DPYD: variants seen among roughly 807,000 people sequenced by gnomAD.
DPYD encodes dihydropyrimidine dehydrogenase [NADP(+)].
Under a neutral mutation model 116.2 loss-of-function variants are expected in DPYD, and 109 were observed. The observed-to-expected ratio is 0.94, with a 90% CI of 0.80 to 1.10. The LOEUF (loss-of-function observed/expected upper bound fraction) is 1.10. Ranked by LOEUF, DPYD falls within the 50% of genes least tolerant of loss-of-function variation. DPYD has a pLI of 0.00. For synonymous variants in DPYD, 440 were observed against 432.0 expected (o/e 1.02, Z -0.23); for missense variants, 1,302 against 1,254.5 (o/e 1.04, Z -0.57).
intron 7 of DPYD, among the ~76,000 whole-genome samples, chr1:97,682,985 T>C (rs114699773): frequency 0.012 from 1,870 of 152,168 alleles, 35 homozygotes; most frequent in African/African-American, 0.042. Context: ...AAACTTTCTT[T>C]ATATACTATA....
intron 18 of DPYD, among the ~76,000 whole-genome samples, chr1:97,284,485 A>G (rs1340783165): frequency 1.3e-5 from 2 of 152,134 alleles, no homozygotes; most frequent in African/African-American, 2.4e-5. Context: ...ATATTAAGCC[A>G]TCTTTGCATT....
At chr1:97,729,419 T>G (rs746169793) in intron 4 of DPYD, among the ~76,000 whole-genome samples, 1 of 152,184 alleles carries the variant, frequency 6.6e-6, no homozygotes, top group Non-Finnish European at 1.5e-5. Context: ...TATTCCATTA[T>G]GTACTATACA....
At chr1:97,294,186 T>TG (rs1211009043) in intron 18 of DPYD, among the ~76,000 whole-genome samples, 2 of 152,186 alleles carry the variant, frequency 1.3e-5, no homozygotes, top group Non-Finnish European at 2.9e-5. Flanking sequence ...CTTGGACTCA[T>TG]GGTTTCTGTT....
At chr1:97,116,797 G>T (rs1354021471) in intron 20 of DPYD, among the ~76,000 whole-genome samples, 1 of 152,022 alleles carries the variant, frequency 6.6e-6, no homozygotes, top group Non-Finnish European at 1.5e-5. Context: ...TCTCCTTTCT[G>T]CAGTGTTTTA....
chr1:97,298,070 G>A (rs749314338), intron 18 of DPYD, among the ~76,000 whole-genome samples: 9 of 152,132 alleles, frequency 5.9e-5, no homozygotes, highest in Non-Finnish European at 1.2e-4. Flanking sequence ...ATACTTAACT[G>A]TGGGCAGAGA....
Position 97,549,571 on chromosome 1 carries a change from T to C in DPYD, c.1513A>G (p.Lys505Glu). 6.2e-7 allele frequency: 1 copy of C among 1,613,864 alleles called. No individual in the cohort carries two copies. The highest frequency in any genetic ancestry group is 8.5e-7 in the Non-Finnish European group (1 of 1,179,818). Residue 505 changes from lysine (K) to glutamate (E), a missense_variant, in exon 12 of 23, where the codon AAA becomes GAA. Transcript: ENST00000370192. ...DGKQASWYIH[K>E]YVQSQYGASV... ...TGGCAAATGCCTACCTGTACGTATTTGTGAATGTACCAAGAAGCTTGCTTT... is the reference window on the plus strand; with the variant it reads ...TGGCAAATGCCTACCTGTACGTATTCGTGAATGTACCAAGAAGCTTGCTTT...
intron 5 of DPYD, among the ~76,000 whole-genome samples, chr1:97,704,522 G>A (rs1162943883): frequency 6.6e-6 from 1 of 151,804 alleles, no homozygotes; most frequent in Non-Finnish European, 1.5e-5. Context: ...TAAATACGAA[G>A]AATATTTTTC....
At chr1:97,144,857 T>G (rs994556172) in intron 20 of DPYD, among the ~76,000 whole-genome samples, 1 of 152,228 alleles carries the variant, frequency 6.6e-6, no homozygotes, top group Non-Finnish European at 1.5e-5. Flanking sequence ...CACTTTCTTA[T>G]GCACACAGAA....
intron 12 of DPYD, among the ~76,000 whole-genome samples, chr1:97,518,145 CA>C (rs1351179677): frequency 6.6e-6 from 1 of 151,574 alleles, no homozygotes; most frequent in African/African-American, 2.4e-5. Flanking sequence ...AGCTTCAAAA[CA>C]AAACAAAAAC....
intron 2 of DPYD, among the ~76,000 whole-genome samples, chr1:97,842,187 T>C (rs1028585107): frequency 6.6e-6 from 1 of 151,960 alleles, no homozygotes; most frequent in Admixed American, 6.5e-5. Flanking sequence ...TATTTTAATT[T>C]TATTTTTAAT....
intron 10 of DPYD, 86 bp from the exon 11 acceptor site, chr1:97,574,056 A>G (rs1035381646): frequency 6.4e-7 from 1 of 1,558,166 alleles, no homozygotes; most frequent in African/African-American, 1.4e-5. Flanking sequence ...ACACATGCTA[A>G]AGCTTATGAT....
intron 8 of DPYD, among the ~76,000 whole-genome samples, chr1:97,613,272 A>G (rs549314284): frequency 2.0e-5 from 3 of 152,198 alleles, no homozygotes; most frequent in Admixed American, 1.3e-4. Flanking sequence ...GGTGGTTAAT[A>G]GTCAATTGAG....
intron 14 of DPYD, among the ~76,000 whole-genome samples, chr1:97,409,771 G>T (rs1434801586): frequency 6.6e-6 from 1 of 152,056 alleles, no homozygotes; most frequent in Non-Finnish European, 1.5e-5. Flanking sequence ...TTAAGCCTCT[G>T]CTCAAATGTC....
At chr1:97,342,283 G>A (rs1669626984) in intron 16 of DPYD, among the ~76,000 whole-genome samples, 1 of 151,998 alleles carries the variant, frequency 6.6e-6, no homozygotes. Context: ...TTGTAGTATT[G>A]AATCTTTCTA....
chr1:97,131,586 T>A (rs763317139), intron 20 of DPYD, among the ~76,000 whole-genome samples: 3 of 152,118 alleles, frequency 2.0e-5, no homozygotes, highest in African/African-American at 7.2e-5. Context: ...TCAAGAGCAG[T>A]GGAAGCTGAA....
At chr1:97,871,924 C>T (rs79206149) in intron 2 of DPYD, among the ~76,000 whole-genome samples, 6 of 151,838 alleles carry the variant, frequency 4.0e-5, no homozygotes, top group Admixed American at 1.3e-4. Flanking sequence ...TATATATATG[C>T]CAACCACGAT....
intron 7 of DPYD, among the ~76,000 whole-genome samples, chr1:97,684,956 A>C (rs147730030): frequency 0.012 from 1,867 of 152,302 alleles, 35 homozygotes; most frequent in African/African-American, 0.042. Context: ...AACTATTTCA[A>C]ACAATTGAAA....
chr1:97,390,269 G>A (rs1672622954), intron 14 of DPYD, among the ~76,000 whole-genome samples: 1 of 152,000 alleles, frequency 6.6e-6, no homozygotes, highest in African/African-American at 2.4e-5. Flanking sequence ...AGTGACGGGG[G>A]TGAACAACTA....
At chr1:97,102,890 C>T (rs1366360580) in intron 20 of DPYD, among the ~76,000 whole-genome samples, 2 of 151,972 alleles carry the variant, frequency 1.3e-5, no homozygotes, top group East Asian at 3.9e-4. Context: ...ACTGTTTGAA[C>T]TCAATAAAAT....
Sources: gnomAD v4.1 joint callset for allele counts (sites outside exome capture counted in the v4.1 genomes callset) on GRCh38, gnomAD v4.1.1 for gene constraint, MANE v1.5 for transcripts, NCBI Gene and HGNC (gene_info 2026-07-23, HGNC 2026-07-21) for gene names.